Variants in TBC1D5 observed in about 807,000 individuals in gnomAD.
TBC1D5 encodes the protein TBC1 domain family, member 5.
A neutral mutation model predicts 100.3 loss-of-function variants in TBC1D5; 75 were observed. That is an observed-to-expected ratio of 0.75 (90% confidence interval 0.62 to 0.91). The LOEUF (loss-of-function observed/expected upper bound fraction) is 0.91, where lower values mean the gene tolerates loss of function less well. TBC1D5 is among the 40% of genes least tolerant of loss of function. TBC1D5 has a pLI of 0.00. For missense variants in TBC1D5, 910 were observed against 942.4 expected (o/e 0.97, Z 0.45); for synonymous variants, 323 against 325.6 (o/e 0.99, Z 0.09).
chr3:17,422,331 C>T (rs750491977), intron 4 of TBC1D5, among the ~76,000 whole-genome samples: 3 of 151,036 alleles, frequency 2.0e-5, no homozygotes, highest in Non-Finnish European at 4.4e-5. Context: ...ACCACACTGG[C>T]TAATTTTGTT....
chr3:17,235,028 T>TA (rs1324021202), intron 17 of TBC1D5, among the ~76,000 whole-genome samples: 1 of 152,304 alleles, frequency 6.6e-6, no homozygotes, highest in East Asian at 1.9e-4. Context: ...ATGGCGTGCC[T>TA]ACTTTCTGTA....
intron 4 of TBC1D5, among the ~76,000 whole-genome samples, chr3:17,420,896 CTTTCAG>C (rs2094192217): frequency 6.6e-6 from 1 of 152,080 alleles, no homozygotes; most frequent in African/African-American, 2.4e-5. Context: ...GATGATCAGG[CTTTCAG>C]CTGACTATGT....
chr3:17,732,993 G>T (rs1165641431), intron 1 of TBC1D5, among the ~76,000 whole-genome samples: 2 of 152,158 alleles, frequency 1.3e-5, no homozygotes, highest in Non-Finnish European at 2.9e-5. Context: ...CTGGTAGAAA[G>T]CATATAGTAC....
chr3:17,590,402 G>A (rs1451054290), intron 2 of TBC1D5, among the ~76,000 whole-genome samples: 1 of 152,140 alleles, frequency 6.6e-6, no homozygotes, highest in African/African-American at 2.4e-5. Flanking sequence ...TTAAAAGATG[G>A]CACACTATGA....
intron 17 of TBC1D5, among the ~76,000 whole-genome samples, chr3:17,230,511 A>C (rs887930968): frequency 1.3e-5 from 2 of 152,162 alleles, no homozygotes; most frequent in African/African-American, 4.8e-5. Context: ...TAGTACCTTT[A>C]ATTAATTGGA....
At chr3:17,539,175 T>TA (rs2096320507) in intron 2 of TBC1D5, among the ~76,000 whole-genome samples, 1 of 151,752 alleles carries the variant, frequency 6.6e-6, no homozygotes, top group South Asian at 2.1e-4. Flanking sequence ...GCTCAAAAAA[T>TA]AAAAAATACA....
At chr3:17,463,199 T>C (rs192732228) in intron 3 of TBC1D5, among the ~76,000 whole-genome samples, 2 of 152,330 alleles carry the variant, frequency 1.3e-5, no homozygotes, top group East Asian at 3.9e-4. Flanking sequence ...ATATTACTGA[T>C]AAATATTCTG....
At chr3:17,380,519 T>C (rs926058638) in intron 9 of TBC1D5, among the ~76,000 whole-genome samples, 3 of 152,048 alleles carry the variant, frequency 2.0e-5, no homozygotes, top group Non-Finnish European at 2.9e-5. Context: ...CAAAACGTAA[T>C]AGAAAATAAT....
At chr3:17,689,964 G>A (rs980490669) in intron 1 of TBC1D5, among the ~76,000 whole-genome samples, 12 of 152,010 alleles carry the variant, frequency 7.9e-5, no homozygotes, top group Non-Finnish European at 1.5e-4. Context: ...CAGTATGAGC[G>A]AAAAAGAAGA....
rs1248787183 is a variant in TBC1D5, at chr3:17,556,775, C to A, written c.-35-48170G>T. ...AAATGATTGTTATACACTACAGAAC[C>A]ATTAAGAGCATGAAGTTACCATTAG... On this transcript the variant is annotated intron_variant, in intron 2 of 21. Coordinates refer to ENST00000253692, the Ensembl canonical transcript of TBC1D5. Among the ~76,000 whole-genome samples the A allele has an allele frequency of 4.6e-5, 7 of 152,182 alleles. No individual in the cohort carries two copies. The East Asian group carries it at 1.3e-3, about 29-fold the overall frequency.
At chr3:17,437,610 C>G (rs1373609406) in intron 3 of TBC1D5, among the ~76,000 whole-genome samples, 1 of 100,444 alleles carries the variant, frequency 1.0e-5, no homozygotes, top group African/African-American at 3.9e-5. Context: ...GGGAGAGAGA[C>G]AGAGACAGAG....
intron 17 of TBC1D5, among the ~76,000 whole-genome samples, chr3:17,220,515 A>C (rs554264884): frequency 7.9e-5 from 12 of 152,196 alleles, no homozygotes; most frequent in African/African-American, 2.9e-4. Context: ...TAAATTCTGG[A>C]AATTAATCCT....
chr3:17,733,884 A>G (rs1199380577), intron 1 of TBC1D5, among the ~76,000 whole-genome samples: 1 of 152,228 alleles, frequency 6.6e-6, no homozygotes, highest in Non-Finnish European at 1.5e-5. Context: ...TGGTTACACA[A>G]TAAATACACA....
chr3:17,224,673 T>C (rs1305698592), intron 17 of TBC1D5, among the ~76,000 whole-genome samples: 1 of 152,218 alleles, frequency 6.6e-6, no homozygotes, highest in Non-Finnish European at 1.5e-5. Context: ...ATGATATGTC[T>C]GGGAGAAATC....
chr3:17,414,421 G>C (rs192129074), intron 4 of TBC1D5, among the ~76,000 whole-genome samples: 1 of 152,206 alleles, frequency 6.6e-6, no homozygotes, highest in East Asian at 1.9e-4. Flanking sequence ...AAATACATTA[G>C]TGAAAGATTT....
At chr3:17,286,415 A>G (rs2081195431) in intron 15 of TBC1D5, among the ~76,000 whole-genome samples, 1 of 152,158 alleles carries the variant, frequency 6.6e-6, no homozygotes, top group Non-Finnish European at 1.5e-5. Context: ...GTGAGCAACT[A>G]GCTAGAACAA....
At chr3:17,473,669 T>C (rs1044530218) in intron 3 of TBC1D5, among the ~76,000 whole-genome samples, 1 of 152,222 alleles carries the variant, frequency 6.6e-6, no homozygotes, top group Non-Finnish European at 1.5e-5. Flanking sequence ...CACAAGTCAG[T>C]AAATCAAATT....
intron 1 of TBC1D5, among the ~76,000 whole-genome samples, chr3:17,637,033 T>A (rs919266598): frequency 6.6e-6 from 1 of 150,834 alleles, no homozygotes; most frequent in Non-Finnish European, 1.5e-5. Context: ...ATTATTTTTT[T>A]TTTTTTGAGA....
intron 3 of TBC1D5, among the ~76,000 whole-genome samples, chr3:17,468,670 C>T (rs2095337625): frequency 6.6e-6 from 1 of 152,132 alleles, no homozygotes; most frequent in Non-Finnish European, 1.5e-5. Flanking sequence ...GCCTAATCCT[C>T]AATAATCAAC....
Sources: allele counts gnomAD v4.1 joint callset (sites outside exome capture counted in the v4.1 genomes callset), GRCh38; gene constraint gnomAD v4.1.1; transcripts MANE v1.5; gene names NCBI Gene and HGNC (gene_info 2026-07-23, HGNC 2026-07-21).